The following DRC11 variants were observed in gnomAD, a reference collection of about 807,000 sequenced individuals.
DRC11 encodes the protein dynein regulatory complex subunit 11.
chr2:236,416,708 CATATATATATATTTATATATATATAT>C, the DRC11 span, among the ~76,000 whole-genome samples: 5 of 74,590 alleles, frequency 6.7e-5, no homozygotes, highest in African/African-American at 9.6e-5. Context: ...TATTTATTTA[CATATATATATATTTATATATATATAT>C]ATATATATAT....
At chr2:236,455,502 G>A in the DRC11 span, among the ~76,000 whole-genome samples, 1 of 152,246 alleles carries the variant, frequency 6.6e-6, no homozygotes, top group African/African-American at 2.4e-5. This position sits in a 1 kb window ranked among gnomAD's most constrained non-coding sequence, Gnocchi z 5.7. Context: ...AGCAGGGAGA[G>A]TATCAGGCTG....
the DRC11 span, among the ~76,000 whole-genome samples, chr2:236,340,312 A>C: frequency 6.6e-6 from 1 of 152,206 alleles, no homozygotes; most frequent in Non-Finnish European, 1.5e-5. Context: ...TTTAATACAG[A>C]CAAGGTTTGC....
chr2:236,373,676 C>A, the DRC11 span, among the ~76,000 whole-genome samples: 1 of 152,176 alleles, frequency 6.6e-6, no homozygotes, highest in African/African-American at 2.4e-5. Flanking sequence ...TGGGCATTGA[C>A]CTTGAACTTT....
At chr2:236,343,555 G>A in the DRC11 span, 2 of 418,172 alleles carry the variant, frequency 4.8e-6, no homozygotes, top group Non-Finnish European at 9.4e-6. The surrounding 1 kb of genome is among the most constrained non-coding windows in gnomAD (Gnocchi z 6.6). Context: ...ATGTCTGGTG[G>A]GAGAGGGAGT....
At chr2:236,416,731 A>ATATATATATATATTTT in the DRC11 span, among the ~76,000 whole-genome samples, 4 of 42,998 alleles carry the variant, frequency 9.3e-5, no homozygotes, top group Non-Finnish European at 1.9e-4. Flanking sequence ...TTATATATAT[A>ATATATATATATATTTT]TATATATATA....
the DRC11 span, among the ~76,000 whole-genome samples, chr2:236,377,464 GC>G: frequency 6.6e-6 from 1 of 152,110 alleles, no homozygotes; most frequent in East Asian, 1.9e-4. This position sits in a 1 kb window ranked among gnomAD's most constrained non-coding sequence, Gnocchi z 4.9. Flanking sequence ...CCTGCAGTCT[GC>G]CCTTCCATCA....
chr2:236,501,816 C>G, the DRC11 span, among the ~76,000 whole-genome samples: 1 of 152,164 alleles, frequency 6.6e-6, no homozygotes, highest in East Asian at 1.9e-4. Flanking sequence ...AGGAAAATGA[C>G]AGGCTAATTT....
chr2:236,316,635 C>T, the DRC11 span, among the ~76,000 whole-genome samples: 132 of 152,234 alleles, frequency 8.7e-4, no homozygotes, highest in African/African-American at 2.3e-3. The surrounding 1 kb of genome is among the most constrained non-coding windows in gnomAD (Gnocchi z 6.8). Context: ...TTAAAAAGTA[C>T]GGTAATATTC....
chr2:236,338,719 C>G, the DRC11 span, among the ~76,000 whole-genome samples: 1 of 152,148 alleles, frequency 6.6e-6, no homozygotes, highest in Non-Finnish European at 1.5e-5. Context: ...CTGTGGTGCT[C>G]CCATTTTCCT....
At chr2:236,417,165 C>T in the DRC11 span, among the ~76,000 whole-genome samples, 1 of 152,186 alleles carries the variant, frequency 6.6e-6, no homozygotes, top group African/African-American at 2.4e-5. Flanking sequence ...CCACCATGCC[C>T]AGCCAAAATG....
At chr2:236,491,169 AT>A in the DRC11 span, among the ~76,000 whole-genome samples, 27 of 80,202 alleles carry the variant, frequency 3.4e-4, no homozygotes, top group African/African-American at 1.5e-3. Context: ...GTATATATAT[AT>A]ATATATATAT....
chr2:236,357,698 T>C, the DRC11 span, among the ~76,000 whole-genome samples: 1 of 87,644 alleles, frequency 1.1e-5, no homozygotes, highest in Non-Finnish European at 2.6e-5. Flanking sequence ...TGTAAATATC[T>C]GATATGTAAA....
the DRC11 span, among the ~76,000 whole-genome samples, chr2:236,435,979 A>C: frequency 1.3e-5 from 2 of 152,202 alleles, no homozygotes; most frequent in Non-Finnish European, 2.9e-5. Context: ...TATTTGTTTG[A>C]TCCACGTCAC....
chr2:236,465,963 C>A, the DRC11 span, among the ~76,000 whole-genome samples: 1 of 152,084 alleles, frequency 6.6e-6, no homozygotes, highest in African/African-American at 2.4e-5. This position sits in a 1 kb window ranked among gnomAD's most constrained non-coding sequence, Gnocchi z 6.2. Flanking sequence ...GGTTTCTCTC[C>A]TGTCAACAAC....
chr2:236,361,682 G>A, the DRC11 span, among the ~76,000 whole-genome samples: 4 of 152,090 alleles, frequency 2.6e-5, no homozygotes, highest in African/African-American at 9.7e-5. This position sits in a 1 kb window ranked among gnomAD's most constrained non-coding sequence, Gnocchi z 5.7. Context: ...CAAAAAGAAG[G>A]CAGGAAAAGA....
At chr2:236,434,441 C>A in the DRC11 span, among the ~76,000 whole-genome samples, 2 of 152,160 alleles carry the variant, frequency 1.3e-5, no homozygotes, top group African/African-American at 4.8e-5. The surrounding 1 kb of genome is among the most constrained non-coding windows in gnomAD (Gnocchi z 5.5). Context: ...TTTCAATATG[C>A]CAAGCTCTGT....
At chr2:236,348,283 A>G in the DRC11 span, among the ~76,000 whole-genome samples, 1 of 152,164 alleles carries the variant, frequency 6.6e-6, no homozygotes, top group African/African-American at 2.4e-5. This position sits in a 1 kb window ranked among gnomAD's most constrained non-coding sequence, Gnocchi z 7.4. Context: ...TCCAGGAGAA[A>G]ATGTAGGGTG....
the DRC11 span, among the ~76,000 whole-genome samples, chr2:236,449,502 C>G: frequency 6.6e-6 from 1 of 152,184 alleles, no homozygotes; most frequent in Non-Finnish European, 1.5e-5. The surrounding 1 kb of genome is among the most constrained non-coding windows in gnomAD (Gnocchi z 5.1). Flanking sequence ...GTTTTCCACC[C>G]GAGCCCCACA....
chr2:236,490,288 G>A, the DRC11 span, among the ~76,000 whole-genome samples: 3 of 152,204 alleles, frequency 2.0e-5, no homozygotes, highest in Non-Finnish European at 2.9e-5. This position sits in a 1 kb window ranked among gnomAD's most constrained non-coding sequence, Gnocchi z 5.5. Context: ...AAGAAGTAAG[G>A]TAACTTATGC....
Sources: gnomAD v4.1 joint callset for allele counts (sites outside exome capture counted in the v4.1 genomes callset) on GRCh38, gnomAD v4.1.1 for gene constraint, Gnocchi (gnomAD v3.1) non-coding constraint, MANE v1.5 for transcripts, NCBI Gene and HGNC (gene_info 2026-07-23, HGNC 2026-07-21) for gene names.